Variants in TIAM2 observed in about 807,000 individuals in gnomAD.
The protein encoded by TIAM2 is rho guanine nucleotide exchange factor TIAM2.
A neutral mutation model predicts 152.9 loss-of-function variants in TIAM2; 80 were observed. That is an observed-to-expected ratio of 0.52 (90% CI 0.44 to 0.63). The LOEUF (loss-of-function observed/expected upper bound fraction) is 0.63. TIAM2 is among the 30% of genes least tolerant of loss of function. TIAM2 has a pLI of 0.00. For missense variants in TIAM2, 1,965 were observed against 2,120.1 expected, an observed-to-expected ratio of 0.93 and a Z score of 1.44; for synonymous variants, 804 against 838.0, an observed-to-expected ratio of 0.96 and a Z score of 0.70.
chr6:155,084,890 T>C (rs538140579), intron 1 of TIAM2, among the ~76,000 whole-genome samples: 1 of 152,232 alleles, frequency 6.6e-6, no homozygotes, highest in South Asian at 2.1e-4. Flanking sequence ...CTGGTGAAAA[T>C]TGTTATTTAA....
At chr6:155,131,705 G>A (rs944351895) in intron 4 of TIAM2, among the ~76,000 whole-genome samples, 7 of 151,862 alleles carry the variant, frequency 4.6e-5, no homozygotes, top group African/African-American at 1.7e-4. Flanking sequence ...TCAGCCTCCT[G>A]AGTAGCTGGC....
Position 155,117,052 on chromosome 6 carries a change from T to TA in TIAM2, c.-117-10426dup, listed in dbSNP as rs936262991. Reference sequence around the variant, plus strand: ...AGTGGGACTGAACATTTGATATATTTAAAAAAAAAAAATACATGTTTCAAA... The same window carrying TA: ...AGTGGGACTGAACATTTGATATATTTAAAAAAAAAAAAATACATGTTTCAAA... On this transcript the variant is annotated intron_variant, in intron 2 of 26. Transcript: ENST00000682666. Among the ~76,000 whole-genome samples, 844 of 146,838 alleles carry TA rather than the reference T, an allele frequency of 5.7e-3. 5 individuals carry two copies. Among genetic ancestry groups the TA allele is most frequent in the Middle Eastern group, 0.011 (3 of 280 alleles).
intron 24 of TIAM2, 42 bp from the exon 25 acceptor site, chr6:155,253,931 G>A (rs1293704661): frequency 6.6e-7 from 1 of 1,523,528 alleles, no homozygotes; most frequent in Non-Finnish European, 9.0e-7. Flanking sequence ...ACAGCATTTT[G>A]GGCAAAGTTG....
chr6:155,031,226 T>C (rs1338828921), intron 1 of TIAM2, among the ~76,000 whole-genome samples: 1 of 152,242 alleles, frequency 6.6e-6, no homozygotes, highest in Non-Finnish European at 1.5e-5. Flanking sequence ...AATTTCTTTG[T>C]TTTTAAAAGA....
In TIAM2 at chr6:155,100,851, C is replaced by T. The variant is rs538493270; in HGVS notation, c.-118+10472C>T. Among the ~76,000 whole-genome samples, 40 of 152,206 alleles carry T rather than the reference C, an allele frequency of 2.6e-4. No individual in the cohort carries two copies. In the East Asian group the frequency reaches 5.0e-3, roughly 19 times the overall value. On this transcript the variant is annotated intron_variant, in intron 2 of 26. Transcript: ENST00000682666. ...TAAATGATGTGTCCAGTGTCACATA[C>T]GAAACTGAGGCGCAGAGAAATTAAA...
chr6:155,256,925 G>A lies in TIAM2; in HGVS notation c.4910G>A (p.Arg1637Gln), dbSNP rs1271575224. 3.7e-6 allele frequency: 6 copies of A among 1,614,164 alleles called. No individual in the cohort carries two copies. Among genetic ancestry groups the A allele is most frequent in the East Asian group, 2.2e-5 (1 of 44,870 alleles). The change falls in exon 27 of 27, where the codon CGA (arginine) becomes CAA (glutamine). Residue 1637 changes from arginine (R) to glutamine (Q), a missense_variant. By Grantham distance (43) the Arg-to-Gln change is conservative. Coordinates refer to ENST00000682666, the MANE Select transcript of TIAM2 (RefSeq NM_012454.4). ...LVRGHFCPIKRKANSTKRDRG... is the reference protein window; with the variant it reads ...LVRGHFCPIKQKANSTKRDRG... Reference sequence around the variant, plus strand: ...CGGGGGCACTTCTGCCCCATTAAACGAAAAGCCAACAGCACCAAGAGGGAC... The same window carrying A: ...CGGGGGCACTTCTGCCCCATTAAACAAAAAGCCAACAGCACCAAGAGGGAC...
At chr6:155,248,295 A>G in intron 20 of TIAM2, 116 bp downstream of exon 20, 1 of 1,210,994 alleles carries the variant, frequency 8.3e-7, no homozygotes, top group Non-Finnish European at 1.1e-6. Flanking sequence ...GTCCTAAGTC[A>G]CTTTTCAGTT....
intron 1 of TIAM2, among the ~76,000 whole-genome samples, chr6:155,058,024 A>G (rs1019607374): frequency 1.9e-4 from 29 of 152,090 alleles, no homozygotes; most frequent in Non-Finnish European, 2.6e-4. Context: ...TTTTGCTCCA[A>G]TTGTTCCTGT....
intron 15 of TIAM2, among the ~76,000 whole-genome samples, chr6:155,212,798 G>A (rs1303100180): frequency 1.3e-5 from 2 of 152,166 alleles, no homozygotes; most frequent in Admixed American, 6.5e-5. Context: ...AGTGAGCGCA[G>A]TGGTGAAGGG....
intron 5 of TIAM2, among the ~76,000 whole-genome samples, chr6:155,142,272 A>G (rs1779728904): frequency 6.6e-6 from 1 of 152,192 alleles, no homozygotes; most frequent in African/African-American, 2.4e-5. Context: ...ATAGCCACAA[A>G]ATTCTGCCTA....
chr6:155,146,594 C>T (rs1013751795), intron 6 of TIAM2, among the ~76,000 whole-genome samples: 1 of 151,446 alleles, frequency 6.6e-6, no homozygotes, highest in African/African-American at 2.4e-5. Context: ...AAAAATGTAT[C>T]ATTATTATTA....
chr6:155,096,536 A>G (rs1000610950), intron 2 of TIAM2, among the ~76,000 whole-genome samples: 6 of 151,866 alleles, frequency 4.0e-5, no homozygotes, highest in South Asian at 4.2e-4. Context: ...GCAACCACCA[A>G]TCTACTCTCT....
chr6:155,169,880 G>A (rs567231690), intron 9 of TIAM2, among the ~76,000 whole-genome samples: 4 of 151,952 alleles, frequency 2.6e-5, no homozygotes, highest in East Asian at 1.9e-4. Context: ...GTGCAGTGGC[G>A]TGATCTCGGC....
intron 1 of TIAM2, among the ~76,000 whole-genome samples, chr6:155,088,015 T>A (rs1778211525): frequency 6.6e-6 from 1 of 151,762 alleles, no homozygotes; most frequent in Non-Finnish European, 1.5e-5. Flanking sequence ...CTTTTTAGTA[T>A]GCCAGGTTGT....
At chr6:155,003,669 C>T (rs1432583536) in intron 1 of TIAM2, among the ~76,000 whole-genome samples, 1 of 152,158 alleles carries the variant, frequency 6.6e-6, no homozygotes, top group Non-Finnish European at 1.5e-5. Context: ...TCGGCTCCCC[C>T]ATGCACACTG....
chr6:155,053,466 C>CTTTT lies in TIAM2; in HGVS notation c.-208-36808_-208-36805dup, dbSNP rs11401916. Among the ~76,000 whole-genome samples, 465 of 127,242 alleles carry CTTTT rather than the reference C, an allele frequency of 3.7e-3. 8 individuals carry two copies. Among genetic ancestry groups the CTTTT allele is most frequent in the East Asian group, 0.012 (54 of 4,436 alleles). The allele number at this position is 127,242 out of a possible 152,430, so 83.5% of individuals were successfully genotyped here. On this transcript the variant is annotated intron_variant, in intron 1 of 26. Transcript: ENST00000682666. ...CACCGCTCCTGGCCTATTCTTGCAG[C>CTTTT]TTTTTTTTTTTTTTTTTTAAATTTA...
chr6:155,115,877 C>T (rs112865624), intron 2 of TIAM2, among the ~76,000 whole-genome samples: 3 of 152,224 alleles, frequency 2.0e-5, no homozygotes, highest in African/African-American at 4.8e-5. Context: ...TATGGGAGGC[C>T]GAGGTGGGCG....
At chr6:155,043,521 C>G (rs966492458) in intron 1 of TIAM2, among the ~76,000 whole-genome samples, 1 of 150,454 alleles carries the variant, frequency 6.6e-6, no homozygotes. Flanking sequence ...GTAATGCTGT[C>G]TACTCAAGAG....
At chr6:155,040,394 C>T (rs1261489629) in intron 1 of TIAM2, among the ~76,000 whole-genome samples, 3 of 152,068 alleles carry the variant, frequency 2.0e-5, no homozygotes, top group African/African-American at 2.4e-5. Flanking sequence ...AGCAACTTGC[C>T]GAATGTCAGG....
Sources: gnomAD v4.1 joint callset for allele counts (sites outside exome capture counted in the v4.1 genomes callset) on GRCh38, gnomAD v4.1.1 for gene constraint, MANE v1.5 for transcripts, NCBI Gene and HGNC (gene_info 2026-07-23, HGNC 2026-07-21) for gene names.